SEC16A: variants seen among roughly 807,000 people sequenced by gnomAD.
SEC16A encodes the protein SEC16 homolog A, endoplasmic reticulum export factor.
In SEC16A, 110 loss-of-function variants were observed where a neutral mutation model predicts 221.9. That is an observed-to-expected ratio of 0.50 (90% CI 0.42 to 0.58). The LOEUF (loss-of-function observed/expected upper bound fraction) is 0.58, where lower values mean the gene tolerates loss of function less well. SEC16A is among the 20% of genes least tolerant of loss of function. The pLI is 0.00. For missense variants in SEC16A, 3,165 were observed against 3,097.8 expected, an observed-to-expected ratio of 1.02 and a Z score of -0.52; for synonymous variants, 1,393 against 1,257.7, an observed-to-expected ratio of 1.11 and a Z score of -2.28.
Position 136,474,713 on chromosome 9 carries a change from G to A in SEC16A, c.2903C>T (p.Pro968Leu). The stretch of plus-strand genomic sequence containing the variant: ...AGGCACCAGGGTGCCGTGTGCAGGT[G>A]GAACTAACACCACACTTGTGCTTCC... ...PAGSTSVVLV[P>L]PAHGTLVPDG... The change falls in exon 3 of 32, where the codon CCA becomes CTA. Residue 968 changes from proline to leucine, a missense_variant. By Grantham distance (98) the Pro-to-Leu change is moderately conservative (BLOSUM62 -3). Coordinates refer to ENST00000684901, the MANE Select transcript of SEC16A (RefSeq NM_014866.2). 1 of 1,613,858 alleles carries A rather than the reference G, an allele frequency of 6.2e-7. No homozygotes were observed. Among genetic ancestry groups the A allele is most frequent in the Non-Finnish European group, 8.5e-7 (1 of 1,179,902 alleles).
rs572332548 is a variant in SEC16A, at chr9:136,440,843, G to A, written c.*912C>T. 144 of 152,544 alleles carry A rather than the reference G, an allele frequency of 9.4e-4. No homozygotes were observed. Among genetic ancestry groups the A allele is most frequent in the Middle Eastern group, 3.4e-3 (1 of 294 alleles). The allele number at this position is 152,544 out of a possible 1,614,324, so 9.4% of individuals were successfully genotyped here. On this transcript the variant is annotated 3_prime_UTR_variant, in exon 32 of 32. Coordinates refer to ENST00000684901, the MANE Select transcript of SEC16A (RefSeq NM_014866.2). ...GATTGTACCACGAAAAGTGCTCACG[G>A]AAAGTGCAGCCTTTTAGAGAAGTGC...
chr9:136,462,389 C>T (rs1296294622), intron 12 of SEC16A, among the ~76,000 whole-genome samples: 1 of 152,196 alleles, frequency 6.6e-6, no homozygotes, highest in Non-Finnish European at 1.5e-5. Context: ...CCCCACCTGC[C>T]CCAGTCCCCA....
chr9:136,444,119 G>A (rs1387096519), intron 30 of SEC16A: 4 of 442,156 alleles, frequency 9.0e-6, no homozygotes, highest in Non-Finnish European at 1.6e-5. Context: ...AATGTTTTAA[G>A]CACCGGAACA....
At chr9:136,445,794 G>C (rs891703743) in intron 28 of SEC16A, 75 bp from the exon 29 acceptor site, 3 of 1,293,484 alleles carry the variant, frequency 2.3e-6, no homozygotes, top group Non-Finnish European at 3.3e-6. Flanking sequence ...CAAAAAATAT[G>C]AAACTGTTCT....
At position 136,468,499 on chromosome 9, in the gene SEC16A, C is replaced by T; in HGVS notation, c.3718G>A (p.Glu1240Lys). 1 of 1,608,936 alleles carries T rather than the reference C, an allele frequency of 6.2e-7. No homozygotes were observed. The highest frequency in any genetic ancestry group is 8.5e-7 in the Non-Finnish European group (1 of 1,175,564). The change falls in exon 5 of 32, where the codon GAA (glutamate) becomes AAA (lysine). Residue 1240 changes from glutamate to lysine, a missense_variant. Transcript: ENST00000684901. Reference sequence around the variant, plus strand: ...CCACTTTTGGAACTATAGTATCCTTCAGGATATCCTTGCCTGAAAAAACAC... The same window carrying T: ...CCACTTTTGGAACTATAGTATCCTTTAGGATATCCTTGCCTGAAAAAACAC... ...ERPPPRQGYP[E>K]GYYSSKSGWS...
In SEC16A at chr9:136,447,707, AC is replaced by A; in HGVS notation, c.6448-28del. ...TGCAGAGGGAAACACAGCTTCAGAC[AC>A]CCACTGTGTGCACAGAAACCCACTG... On this transcript the variant is annotated intron_variant, in intron 25 of 31. Transcript: ENST00000684901. The surrounding 1 kb of genome is among the most constrained non-coding windows in gnomAD (Gnocchi z 5.5). The A allele has an allele frequency of 1.3e-6, 2 of 1,581,812 alleles. No individual in the cohort carries two copies. Among genetic ancestry groups the A allele is most frequent in the Non-Finnish European group, 1.7e-6 (2 of 1,154,128 alleles).
intron 22 of SEC16A, 47 bp downstream of exon 22, chr9:136,453,381 A>G (rs1426396906): frequency 6.9e-7 from 1 of 1,455,620 alleles, no homozygotes; most frequent in Non-Finnish European, 9.6e-7. Flanking sequence ...TGCCCACTCG[A>G]TGAACTTTAT....
chr9:136,466,279 G>A lies in SEC16A; in HGVS notation c.4113C>T (p.Ser1371=). Residue 1371 remains serine, a synonymous_variant, in exon 7 of 32, where the codon AGC becomes AGT. Coordinates refer to ENST00000684901, the MANE Select transcript of SEC16A (RefSeq NM_014866.2). The surrounding 1 kb of genome is among the most constrained non-coding windows in gnomAD (Gnocchi z 5.5). ...HSLASRRSSL[S]SHSHQSQIYR... ...CGCCGCGTACCTGGTGCGAGTGGGA[G>A]CTGAGGCTGCTGCGGCGGCTGGCCA... 2 of 1,578,200 alleles carry A rather than the reference G, an allele frequency of 1.3e-6. No homozygotes were observed. Among genetic ancestry groups the A allele is most frequent in the East Asian group, 4.7e-5 (2 of 42,868 alleles).
chr9:136,453,546 C>A, intron 21 of SEC16A, 36 bp from the exon 22 acceptor site: 2 of 1,554,432 alleles, frequency 1.3e-6, no homozygotes, highest in South Asian at 2.2e-5. Flanking sequence ...TGATCTCAGT[C>A]ACGAGAAGGC....
chr9:136,460,289 T>C (rs1045322721), intron 13 of SEC16A, among the ~76,000 whole-genome samples, 166 bp from the exon 14 acceptor site: 4 of 151,896 alleles, frequency 2.6e-5, no homozygotes, highest in African/African-American at 9.7e-5. Context: ...ACCCCATCTC[T>C]ACTAAAAATA....
In SEC16A at chr9:136,477,498, C is replaced by T. The variant is rs1841801687; in HGVS notation, c.118G>A (p.Ala40Thr). 14 of 1,613,970 alleles carry T rather than the reference C, an allele frequency of 8.7e-6. 1 individual carries two copies. In the East Asian group the frequency reaches 3.1e-4, roughly 36 times the overall value. Residue 40 changes from alanine to threonine, a missense_variant, in exon 3 of 32, where the codon GCA (alanine) becomes ACA (threonine). Transcript: ENST00000684901. ...PYRRRANNNA[A>T]VAPTTCPLQP... ...AACGGGCAAGTTGTCGGAGCCACTGCTGCATTATTATTAGCCCGTCTCCTG... is the reference window on the plus strand; with the variant it reads ...AACGGGCAAGTTGTCGGAGCCACTGTTGCATTATTATTAGCCCGTCTCCTG...
In SEC16A at chr9:136,466,596, G is replaced by C; in HGVS notation, c.3930-134C>G. ...CACAACACAGCACACCCGACACTCA[G>C]GGCCCTCTGACGTGCAACGTTAGAG... is the stretch of plus-strand genomic sequence containing the variant. On this transcript the variant is annotated intron_variant, in intron 6 of 31. Transcript: ENST00000684901. This position sits in a 1 kb window ranked among gnomAD's most constrained non-coding sequence, Gnocchi z 5.5. 1.2e-6 allele frequency: 1 copy of C among 813,540 alleles called. No individual in the cohort carries two copies. Among genetic ancestry groups the C allele is most frequent in the Non-Finnish European group, 1.9e-6 (1 of 528,488 alleles). The allele number at this position is 813,540 out of a possible 1,614,324, so 50.4% of individuals were successfully genotyped here. A position where few individuals can be genotyped will look rare whatever the true frequency, so the allele number is the denominator to read the frequency against.
In SEC16A at chr9:136,476,263, G is replaced by A. The variant is rs1298304293; in HGVS notation, c.1353C>T (p.Ala451=). Residue 451 remains alanine (A), a synonymous_variant, in exon 3 of 32, where the codon GCC becomes GCT. Coordinates refer to ENST00000684901, the MANE Select transcript of SEC16A (RefSeq NM_014866.2). ...CAACATTCTCATACTGCGAGCCGCT[G>A]GCATCCGGCACCCCTGTGCTCGCTG... ...GDTASTGVPD[A]SGSQYENVEN... is the part of the protein sequence containing the mutation. 4.3e-6 allele frequency: 7 copies of A among 1,613,228 alleles called. No homozygotes were observed. Among genetic ancestry groups the A allele is most frequent in the Non-Finnish European group, 5.9e-6 (7 of 1,179,884 alleles).
rs755828680 is a variant in SEC16A, at chr9:136,475,652, G to A, written c.1964C>T (p.Ser655Phe). 22 of 1,613,776 alleles carry A rather than the reference G, an allele frequency of 1.4e-5. No individual in the cohort carries two copies. The highest frequency in any genetic ancestry group is 1.9e-5 in the Non-Finnish European group (22 of 1,179,874). Residue 655 changes from serine (S) to phenylalanine (F), a missense_variant, in exon 3 of 32, where the codon TCC becomes TTC. Coordinates refer to ENST00000684901, the MANE Select transcript of SEC16A (RefSeq NM_014866.2). The surrounding 1 kb of genome is among the most constrained non-coding windows in gnomAD (Gnocchi z 5.0). ...CRPAAALPDASPGNLEQPPDN... is the reference protein window; with the variant it reads ...CRPAAALPDAFPGNLEQPPDN... ...TGGTGGCTGCTCCAGGTTGCCAGGG[G>A]AAGCATCGGGCAGGGCGGCAGCTGG...
chr9:136,464,308 C>A, intron 9 of SEC16A, 112 bp downstream of exon 9: 1 of 1,018,248 alleles, frequency 9.8e-7, no homozygotes, highest in Non-Finnish European at 1.4e-6. Flanking sequence ...AAACATTTTC[C>A]AAGGACGTAT....
At chr9:136,456,347 G>A (rs551134293) in intron 18 of SEC16A, among the ~76,000 whole-genome samples, 181 bp from the exon 19 acceptor site, 1 of 152,346 alleles carries the variant, frequency 6.6e-6, no homozygotes, top group South Asian at 2.1e-4. Flanking sequence ...GGGTGACTGG[G>A]AAGTTGCTGT....
chr9:136,453,065 GTC>G (rs1297623357), intron 22 of SEC16A, among the ~76,000 whole-genome samples: 22 of 122,310 alleles, frequency 1.8e-4, no homozygotes, highest in Non-Finnish European at 3.1e-4. Flanking sequence ...GCAAGAATCT[GTC>G]TCAAAAAAAA....
intron 31 of SEC16A, among the ~76,000 whole-genome samples, chr9:136,443,253 G>A (rs1431755040): frequency 6.6e-6 from 1 of 152,132 alleles, no homozygotes. Flanking sequence ...CGGGAGCACG[G>A]CGGGCCTGGT....
chr9:136,454,287 G>A lies in SEC16A; in HGVS notation c.5898C>T (p.Ala1966=), dbSNP rs1160754716. 9 of 1,583,282 alleles carry A rather than the reference G, an allele frequency of 5.7e-6. No homozygotes were observed. The highest frequency in any genetic ancestry group is 2.7e-5 in the African/African-American group (2 of 74,450). Residue 1966 remains alanine (A), a synonymous_variant, in exon 21 of 32, where the codon GCC becomes GCT. Transcript: ENST00000684901. ...TLPDGPLASP[A]RVPMFPVPLP... The stretch of plus-strand genomic sequence containing the variant: ...GTGGCACTGGGAACATCGGCACTCT[G>A]GCAGGACTGGCCAATGGGCCGTCAG...
Sources: gnomAD v4.1 joint callset for allele counts (sites outside exome capture counted in the v4.1 genomes callset) on GRCh38, gnomAD v4.1.1 for gene constraint, Gnocchi (gnomAD v3.1) non-coding constraint, MANE v1.5 for transcripts, NCBI Gene and HGNC (gene_info 2026-07-23, HGNC 2026-07-21) for gene names.